TNFRSF10D: variants seen among roughly 807,000 people sequenced by gnomAD.
TNFRSF10D encodes the protein tumor necrosis factor receptor superfamily member 10D.
Under a neutral mutation model 42.1 loss-of-function variants are expected in TNFRSF10D, and 28 were observed. The ratio of observed to expected loss-of-function variants is 0.66; its 90% CI spans 0.49 to 0.91. The LOEUF (loss-of-function observed/expected upper bound fraction) is 0.91. TNFRSF10D is among the 40% of genes least tolerant of loss of function. The pLI, the probability that TNFRSF10D is intolerant of heterozygous loss-of-function variation, is 0.00. For synonymous variants in TNFRSF10D, 186 were observed against 189.4 expected, an observed-to-expected ratio of 0.98 and a Z score of 0.15; for missense variants, 503 against 486.1, an observed-to-expected ratio of 1.03 and a Z score of -0.33.
Position 23,145,548 on chromosome 8 carries a change from C to T in TNFRSF10D, c.736+120G>A, listed in dbSNP as rs114603765. ...GATGGGGCGATCACAAGAAGGAAGACCAAGCCAGGCTGGAGACGCTTGGAC... is the reference window on the plus strand; with the variant it reads ...GATGGGGCGATCACAAGAAGGAAGATCAAGCCAGGCTGGAGACGCTTGGAC... On this transcript the variant is annotated intron_variant, in intron 5 of 8. Coordinates refer to ENST00000312584, the MANE Select transcript of TNFRSF10D (RefSeq NM_003840.5). 2,986 of 1,488,392 alleles carry T rather than the reference C, an allele frequency of 2.0e-3. 10 individuals are homozygous for T. The African/African-American group carries it at 0.036, about 18-fold the overall frequency. The allele number at this position is 1,488,392 out of a possible 1,614,324, so 92.2% of individuals were successfully genotyped here.
rs151332061 is a variant in TNFRSF10D, at chr8:23,159,480, T to C, written c.150+4306A>G. Among the ~76,000 whole-genome samples, 765 of 152,322 alleles carry C rather than the reference T, an allele frequency of 5.0e-3. 5 individuals carry two copies. The highest frequency in any genetic ancestry group is 8.9e-3 in the Non-Finnish European group (606 of 68,022). On this transcript the variant is annotated intron_variant, in intron 1 of 8. Coordinates refer to ENST00000312584, the MANE Select transcript of TNFRSF10D (RefSeq NM_003840.5). ...AGCTTTTTAGCCTCCATATATTTAC[T>C]AGCTTCTTCACAAGTTACTTGGTCC...
intron 7 of TNFRSF10D, among the ~76,000 whole-genome samples, chr8:23,143,133 C>T (rs1032254457): frequency 3.9e-5 from 6 of 152,122 alleles, no homozygotes; most frequent in Non-Finnish European, 4.4e-5. Context: ...CCCGCTACCA[C>T]GCCCGGCTAA....
chr8:23,139,637 C>G (rs898554464), intron 7 of TNFRSF10D, among the ~76,000 whole-genome samples: 2 of 152,122 alleles, frequency 1.3e-5, no homozygotes, highest in Non-Finnish European at 1.5e-5. Context: ...AGGATGCTCA[C>G]GCTCACCACT....
intron 2 of TNFRSF10D, among the ~76,000 whole-genome samples, chr8:23,153,023 C>T (rs115339035): frequency 6.1e-3 from 932 of 151,998 alleles, no homozygotes; most frequent in African/African-American, 0.019. Context: ...ATGGCATAAA[C>T]GAAGATAAAC....
At chr8:23,142,871 G>A (rs1372101912) in intron 7 of TNFRSF10D, among the ~76,000 whole-genome samples, 1 of 152,178 alleles carries the variant, frequency 6.6e-6, no homozygotes, top group African/African-American at 2.4e-5. Flanking sequence ...TTTCTACAAA[G>A]AATCACAAGA....
rs757683046 is a variant in TNFRSF10D at position 23,144,574 on chromosome 8, T to C, written c.830A>G (p.Asn277Ser). The C allele has an allele frequency of 6.2e-7, 1 of 1,614,182 alleles. No homozygotes were observed. The highest frequency in any genetic ancestry group is 1.1e-5 in the South Asian group (1 of 91,082). Residue 277 changes from asparagine (N) to serine (S), a missense_variant, in exon 7 of 9, where the codon AAC becomes AGC. By Grantham distance (46) the Asn-to-Ser change is conservative (BLOSUM62 1). Coordinates refer to ENST00000312584, the MANE Select transcript of TNFRSF10D (RefSeq NM_003840.5). ...RVPGAEDNAR[N>S]ETLSNRYLQP... The stretch of plus-strand genomic sequence containing the variant: ...CAAGTATCTGTTACTCAGGGTCTCG[T>C]TGCGGGCATTGTCCTCCGCCCCAGG...
intron 1 of TNFRSF10D, among the ~76,000 whole-genome samples, chr8:23,160,176 G>A (rs952974881): frequency 1.1e-4 from 16 of 152,164 alleles, no homozygotes; most frequent in Non-Finnish European, 2.1e-4. Flanking sequence ...CAGGAAGCAG[G>A]ATTCACATGG....
At chr8:23,161,691 A>G (rs10089445) in intron 1 of TNFRSF10D, among the ~76,000 whole-genome samples, 25,875 of 152,186 alleles carry the variant, frequency 0.17, 2,877 homozygotes, top group East Asian at 0.58. Flanking sequence ...GTACATAACA[A>G]TGTGATGAAT....
In TNFRSF10D at chr8:23,140,411, C is replaced by T. The variant is rs1309757925; in HGVS notation, c.955-2151G>A. On this transcript the variant is annotated intron_variant, in intron 7 of 8. Coordinates refer to ENST00000312584, the MANE Select transcript of TNFRSF10D (RefSeq NM_003840.5). ...ACACACACACACACACACACACACA[C>T]ACACACAATACCTAGAAATACCTCT... 9.2e-5 allele frequency among the ~76,000 whole-genome samples: 12 copies of T among 130,156 alleles called. No individual in the cohort carries two copies. The South Asian group carries it at 3.0e-3, about 32-fold the overall frequency. The allele number at this position is 130,156 out of a possible 152,430, so 85.4% of individuals were successfully genotyped here. A position where few individuals can be genotyped will look rare whatever the true frequency, so the allele number is the denominator to read the frequency against.
At chr8:23,156,484 G>C (rs1800281981) in intron 1 of TNFRSF10D, among the ~76,000 whole-genome samples, 1 of 152,028 alleles carries the variant, frequency 6.6e-6, no homozygotes, top group Admixed American at 6.6e-5. Flanking sequence ...TCTAGGTTCA[G>C]GCGATGTCTC....
intron 7 of TNFRSF10D, among the ~76,000 whole-genome samples, chr8:23,140,101 A>G (rs372091154): frequency 2.7e-4 from 41 of 152,308 alleles, no homozygotes; most frequent in East Asian, 2.5e-3. Context: ...CATCCTGGCT[A>G]ACACGGTGAA....
intron 2 of TNFRSF10D, among the ~76,000 whole-genome samples, chr8:23,153,261 A>T (rs1800232005): frequency 6.6e-6 from 1 of 152,248 alleles, no homozygotes; most frequent in Non-Finnish European, 1.5e-5. Flanking sequence ...TGAAATTGTA[A>T]AACTACTACA....
intron 1 of TNFRSF10D, among the ~76,000 whole-genome samples, chr8:23,156,846 C>A (rs184394987): frequency 5.0e-3 from 758 of 151,856 alleles, no homozygotes; most frequent in African/African-American, 0.016. Flanking sequence ...GGATTACAGG[C>A]GTAAGCCACC....
intron 3 of TNFRSF10D, 59 bp from the exon 4 acceptor site, chr8:23,147,131 C>T (rs1800131850): frequency 2.2e-6 from 3 of 1,394,042 alleles, no homozygotes; most frequent in Non-Finnish European, 3.0e-6. Flanking sequence ...GTCCACCCTT[C>T]CTCACCACCC....
intron 1 of TNFRSF10D, among the ~76,000 whole-genome samples, chr8:23,155,654 G>C (rs1276530546): frequency 1.3e-5 from 2 of 151,560 alleles, no homozygotes; most frequent in African/African-American, 2.4e-5. Flanking sequence ...AGGAGGCGGA[G>C]CTTGCACTGC....
intron 2 of TNFRSF10D, 70 bp from the exon 3 acceptor site, chr8:23,148,621 A>C: frequency 8.1e-7 from 1 of 1,235,726 alleles, no homozygotes; most frequent in East Asian, 2.5e-5. Flanking sequence ...TGGCTGGCAA[A>C]TTTCTCTTTT....
chr8:23,163,169 G>A (rs1279397851), intron 1 of TNFRSF10D, among the ~76,000 whole-genome samples: 6 of 142,140 alleles, frequency 4.2e-5, no homozygotes, highest in East Asian at 2.3e-4. Context: ...GCGCGATCTC[G>A]GCTCACTGCA....
chr8:23,155,332 G>T (rs1302566048), intron 1 of TNFRSF10D, among the ~76,000 whole-genome samples: 2 of 151,576 alleles, frequency 1.3e-5, no homozygotes, highest in Non-Finnish European at 2.9e-5. Context: ...CTACAGCCTG[G>T]AACTTCTGGC....
chr8:23,145,519 TG>T, intron 5 of TNFRSF10D, 148 bp downstream of exon 5: 2 of 1,207,218 alleles, frequency 1.7e-6, no homozygotes, highest in Non-Finnish European at 2.3e-6. Flanking sequence ...ACACAGGACG[TG>T]GGGATGGGGC....
Sources: gnomAD v4.1 joint callset for allele counts (sites outside exome capture counted in the v4.1 genomes callset) on GRCh38, gnomAD v4.1.1 for gene constraint, MANE v1.5 for transcripts, NCBI Gene and HGNC (gene_info 2026-07-23, HGNC 2026-07-21) for gene names.